The following USP28 variants were observed in gnomAD, a reference collection of about 807,000 sequenced individuals.
USP28 encodes ubiquitin specific peptidase 28, also known as ubiquitin carboxyl-terminal hydrolase 28.
Under a neutral mutation model 145.0 loss-of-function variants are expected in USP28, and 113 were observed. That is an observed-to-expected ratio of 0.78 (90% CI 0.67 to 0.91). USP28 has a LOEUF of 0.91. USP28 is among the 40% of genes least tolerant of loss of function. The pLI, the probability that USP28 is intolerant of heterozygous loss-of-function variation, is 0.00. For missense variants in USP28, 1,201 were observed against 1,289.6 expected, an observed-to-expected ratio of 0.93 and a Z score of 1.05; for synonymous variants, 447 against 450.9, an observed-to-expected ratio of 0.99 and a Z score of 0.11.
intron 18 of USP28, among the ~76,000 whole-genome samples, 187 bp downstream of exon 19, chr11:113,807,764 G>A (rs1338265084): frequency 2.6e-5 from 4 of 151,958 alleles, no homozygotes; most frequent in Admixed American, 2.6e-4. Flanking sequence ...TGCTGGGAGC[G>A]CTATACAATA....
chr11:113,851,947 C>T (rs1319900150), intron 3 of USP28, among the ~76,000 whole-genome samples: 2 of 152,176 alleles, frequency 1.3e-5, no homozygotes, highest in South Asian at 2.1e-4. Flanking sequence ...AAGCTAAATG[C>T]AGGCAGGGCT....
chr11:113,834,287 G>C (rs1489431800), exon 6 of USP28: 1 of 1,611,632 alleles, frequency 6.2e-7, no homozygotes, highest in African/African-American at 1.3e-5. Flanking sequence ...TTTTGTGGCA[G>C]ACTATAACTG....
At chr11:113,858,608 T>C (rs1947318993) in intron 1 of USP28, among the ~76,000 whole-genome samples, 1 of 152,132 alleles carries the variant, frequency 6.6e-6, no homozygotes, top group South Asian at 2.1e-4. Context: ...TCTAATTGTT[T>C]TATTTTATTT....
At chr11:113,818,335 T>A (rs1206662636) in intron 12 of USP28, 1 of 152,858 alleles carries the variant, frequency 6.5e-6, no homozygotes, top group Non-Finnish European at 1.5e-5. Context: ...GTATTTTTAG[T>A]AGAGACAGGG....
chr11:113,875,276 G>A (rs1397446155), intron 1 of USP28, among the ~76,000 whole-genome samples, 169 bp downstream of exon 1: 1 of 151,966 alleles, frequency 6.6e-6, no homozygotes, highest in African/African-American at 2.4e-5. Context: ...TCCGCGGCCC[G>A]AGCCCCGCAG....
chr11:113,864,280 C>T (rs1320111848), intron 1 of USP28, among the ~76,000 whole-genome samples: 2 of 152,060 alleles, frequency 1.3e-5, no homozygotes, highest in East Asian at 3.9e-4. Flanking sequence ...AGTTAAAGAC[C>T]TAAATAAATT....
At chr11:113,864,446 C>G (rs1412976178) in intron 1 of USP28, among the ~76,000 whole-genome samples, 1 of 152,108 alleles carries the variant, frequency 6.6e-6, no homozygotes, top group Non-Finnish European at 1.5e-5. Flanking sequence ...CTGCAGTTAG[C>G]AAGCTGGAGA....
At chr11:113,819,095 A>T (rs74643106) in intron 12 of USP28, among the ~76,000 whole-genome samples, 6,614 of 151,966 alleles carry the variant, frequency 0.044, 187 homozygotes, top group Non-Finnish European at 0.066. Context: ...ACAGAAGAAG[A>T]AATAGTGAGC....
At chr11:113,810,693 T>G (rs1342370887) in intron 16 of USP28, among the ~76,000 whole-genome samples, 4 of 152,234 alleles carry the variant, frequency 2.6e-5, no homozygotes, top group Non-Finnish European at 5.9e-5. Flanking sequence ...TTGTTTTTTT[T>G]GAGACAAAGT....
intron 5 of USP28, among the ~76,000 whole-genome samples, chr11:113,839,740 G>A (rs1944983675): frequency 6.6e-6 from 1 of 151,400 alleles, no homozygotes; most frequent in African/African-American, 2.4e-5. Context: ...AAATTAGCCG[G>A]GTGGCCAGGC....
chr11:113,799,983 A>C (rs1938652872), intron 24 of USP28, among the ~76,000 whole-genome samples: 1 of 152,140 alleles, frequency 6.6e-6, no homozygotes. Flanking sequence ...CTATCAACTT[A>C]AACACTTGAA....
At chr11:113,833,509 G>T in exon 7 of USP28, 2 of 1,614,150 alleles carry the variant, frequency 1.2e-6, no homozygotes, top group Non-Finnish European at 1.7e-6. Flanking sequence ...CCCATCATTA[G>T]AGCAAACAAA....
rs754384755 is a variant in USP28, at chr11:113,830,954, G to A, written c.834-11C>T. Reference sequence around the variant, plus strand: ...TTGTTCCTGGGACTGCTGCTTTTAGGAAAAGGAGACAATTCTGGATTGTTT... The same window carrying A: ...TTGTTCCTGGGACTGCTGCTTTTAGAAAAAGGAGACAATTCTGGATTGTTT... On this transcript the variant is annotated splice_polypyrimidine_tract_variant and intron_variant, in intron 8 of 24. Transcript: ENST00000003302. The A allele has an allele frequency of 6.2e-7, 1 of 1,611,968 alleles. No homozygotes were observed. The highest frequency in any genetic ancestry group is 8.5e-7 in the Non-Finnish European group (1 of 1,179,694).
chr11:113,874,449 A>AAAT, intron 1 of USP28: 20 of 856,398 alleles, frequency 2.3e-5, no homozygotes, highest in South Asian at 1.0e-4. Context: ...AAAAAAAAAA[A>AAAT]GTGTCTCCAT....
At chr11:113,839,728 A>T (rs1944982064) in intron 5 of USP28, among the ~76,000 whole-genome samples, 1 of 152,124 alleles carries the variant, frequency 6.6e-6, no homozygotes, top group African/African-American at 2.4e-5. Context: ...GTCTCTACTA[A>T]AAAATTAGCC....
At chr11:113,869,381 C>A (rs1242559745) in intron 1 of USP28, among the ~76,000 whole-genome samples, 1 of 152,136 alleles carries the variant, frequency 6.6e-6, no homozygotes, top group African/African-American at 2.4e-5. Context: ...GTGAGCTGAT[C>A]TCACGCCACT....
At chr11:113,829,068 T>G in intron 10 of USP28, 129 bp downstream of exon 10, 1 of 1,265,116 alleles carries the variant, frequency 7.9e-7, no homozygotes, top group South Asian at 1.3e-5. Context: ...GATGAGAGAC[T>G]TAAGACAAAT....
intron 10 of USP28, among the ~76,000 whole-genome samples, chr11:113,828,560 A>G (rs1435213213): frequency 1.3e-5 from 2 of 152,138 alleles, no homozygotes. Flanking sequence ...ATCATATATA[A>G]GCCACAGTTT....
At chr11:113,825,862 G>A (rs1055895928) in intron 11 of USP28, among the ~76,000 whole-genome samples, 15 of 151,858 alleles carry the variant, frequency 9.9e-5, no homozygotes, top group African/African-American at 3.6e-4. Flanking sequence ...ATCACAATGG[G>A]ACAAGGAAAA....
Sources: allele counts gnomAD v4.1 joint callset (sites outside exome capture counted in the v4.1 genomes callset), GRCh38; gene constraint gnomAD v4.1.1; transcripts MANE v1.5; gene names NCBI Gene and HGNC (gene_info 2026-07-23, HGNC 2026-07-21).